Variants in KLF13 observed in about 807,000 individuals in gnomAD.
The protein encoded by KLF13 is Krueppel-like factor 13.
A neutral mutation model predicts 16.7 loss-of-function variants in KLF13; 8 were observed. That is an observed-to-expected ratio of 0.48 (90% CI 0.28 to 0.87). The LOEUF is 0.87. Among genes scored for constraint, KLF13 ranks in the 40% least tolerant of loss-of-function variants. The probability of loss-of-function intolerance (pLI) is 0.10; values close to 1 mark genes in which losing one functional copy is unlikely to be tolerated. For synonymous variants in KLF13, 245 were observed against 208.4 expected (o/e 1.18, Z -1.51); for missense variants, 447 against 452.2 (o/e 0.99, Z 0.10).
chr15:31,363,064 A>T (rs1436598775), intron 1 of KLF13, among the ~76,000 whole-genome samples: 1 of 152,190 alleles, frequency 6.6e-6, no homozygotes, highest in African/African-American at 2.4e-5. Context: ...GATGTGGGTA[A>T]AAGGGTGTGC....
chr15:31,370,312 GT>G (rs1470643164), intron 1 of KLF13, among the ~76,000 whole-genome samples: 2 of 151,442 alleles, frequency 1.3e-5, no homozygotes, highest in Non-Finnish European at 2.9e-5. Context: ...TTCCAGAACT[GT>G]TTTTTGGTTC....
chr15:31,416,999 A>G (rs1230707747), intron 1 of KLF13, among the ~76,000 whole-genome samples: 2 of 152,160 alleles, frequency 1.3e-5, no homozygotes. Context: ...TGGCAATGTT[A>G]TGAGTAATTA....
At chr15:31,356,335 C>T (rs2039300020) in intron 1 of KLF13, among the ~76,000 whole-genome samples, 1 of 152,214 alleles carries the variant, frequency 6.6e-6, no homozygotes, top group Non-Finnish European at 1.5e-5. Flanking sequence ...GAATGGATCA[C>T]CTGAGGTCAG....
At chr15:31,388,302 G>A (rs750579087), upstream of KLF13, among the ~76,000 whole-genome samples, 11 of 152,102 alleles carry the variant, frequency 7.2e-5, no homozygotes, top group Non-Finnish European at 1.3e-4. Context: ...AAGTGCCAGT[G>A]AAAATGATTT....
intron 1 of KLF13, chr15:31,366,111 C>G (rs2039466503): frequency 6.6e-6 from 1 of 151,428 alleles, no homozygotes; most frequent in African/African-American, 2.4e-5. Flanking sequence ...CCACCCACCC[C>G]ACTCTCCCCG....
intron 1 of KLF13, among the ~76,000 whole-genome samples, chr15:31,358,218 A>C (rs558228015): frequency 3.3e-4 from 51 of 152,366 alleles, no homozygotes; most frequent in Admixed American, 2.0e-3. Flanking sequence ...AACTGAAGGC[A>C]GCTCACAAGA....
intron 1 of KLF13, among the ~76,000 whole-genome samples, chr15:31,412,002 T>C (rs1187856993): frequency 6.6e-6 from 1 of 152,214 alleles, no homozygotes; most frequent in Non-Finnish European, 1.5e-5. Context: ...CTAGCTGCTA[T>C]GGTCTAAATG....
Position 31,372,002 on chromosome 15 carries a change from G to T in KLF13, c.578-8G>T. On this transcript the variant is annotated splice_polypyrimidine_tract_variant and splice_region_variant and intron_variant, in intron 1 of 1. Transcript: ENST00000307145. ...GCGGATACTGATGCTCTGCCCCTGT[G>T]CCCACAGGTGAGAGGCCCTTCGCCT... 1 of 1,596,366 alleles carries T rather than the reference G, an allele frequency of 6.3e-7. No homozygotes were observed. Among genetic ancestry groups the T allele is most frequent in the Non-Finnish European group, 8.5e-7 (1 of 1,171,970 alleles).
downstream of KLF13, among the ~76,000 whole-genome samples, chr15:31,405,376 T>TGAG (rs1412212136): frequency 6.6e-6 from 1 of 152,154 alleles, no homozygotes; most frequent in Non-Finnish European, 1.5e-5. Context: ...TTCTGCCAGG[T>TGAG]GAGGCCACAG....
intron 1 of KLF13, among the ~76,000 whole-genome samples, chr15:31,385,776 T>C (rs963653662): frequency 6.6e-6 from 1 of 152,184 alleles, no homozygotes; most frequent in Non-Finnish European, 1.5e-5. Context: ...GGCCAATTAA[T>C]AACCTTACAA....
rs1020979280 is a variant in KLF13 at position 31,377,431 on chromosome 15, T to C, written c.*5132T>C. 1 of 152,678 alleles carries C rather than the reference T, an allele frequency of 6.5e-6. No individual in the cohort carries two copies. Among genetic ancestry groups the C allele is most frequent in the Non-Finnish European group, 1.5e-5 (1 of 68,082 alleles). 9.5% of individuals were successfully genotyped at this position (152,678 alleles called of 1,614,324 possible). A position where few individuals can be genotyped will look rare whatever the true frequency, so the allele number is the denominator to read the frequency against. On this transcript the variant is annotated 3_prime_UTR_variant, in exon 2 of 2. Transcript: ENST00000307145. ...TTTGGGGCTTTCGGTGGTTCCTTGG[T>C]GACTGGGAATTGCTTGTGTGCATGT...
intron 1 of KLF13, among the ~76,000 whole-genome samples, chr15:31,338,839 C>G (rs560114500): frequency 2.0e-5 from 3 of 152,196 alleles, no homozygotes; most frequent in South Asian, 2.1e-4. Flanking sequence ...CCTCTACTCC[C>G]CCTTGTACTG....
At chr15:31,369,407 A>T (rs759346765) in intron 1 of KLF13, among the ~76,000 whole-genome samples, 7 of 152,284 alleles carry the variant, frequency 4.6e-5, no homozygotes, top group Non-Finnish European at 1.0e-4. Context: ...ATAATAGAGC[A>T]TAGGAAAAAC....
intron 1 of KLF13, among the ~76,000 whole-genome samples, chr15:31,434,125 A>G (rs10083682): frequency 0.59 from 90,128 of 152,136 alleles, 27,191 homozygotes; most frequent in South Asian, 0.71. Context: ...GCTGGTGCCA[A>G]GACTGTGTGC....
chr15:31,361,019 T>C (rs566380994), intron 1 of KLF13, among the ~76,000 whole-genome samples: 2 of 152,304 alleles, frequency 1.3e-5, no homozygotes, highest in African/African-American at 4.8e-5. Flanking sequence ...TCCAGGGAAC[T>C]GCCTGGCTCC....
intron 1 of KLF13, among the ~76,000 whole-genome samples, chr15:31,337,497 T>C (rs916849709): frequency 2.0e-5 from 3 of 152,180 alleles, no homozygotes; most frequent in Admixed American, 6.5e-5. Flanking sequence ...GGTTGCTTAA[T>C]GACGGGTGCG....
rs1451262327 is a variant in KLF13, at chr15:31,400,889, GA to G, written n.530-2538del. Among the ~76,000 whole-genome samples the G allele has an allele frequency of 2.0e-5, 3 of 152,136 alleles. No individual in the cohort carries two copies. In the East Asian group the frequency reaches 5.8e-4, roughly 29 times the overall value. On this transcript the variant is annotated intron_variant and non_coding_transcript_variant, in intron 2 of 2. Transcript: ENST00000500533. Reference sequence around the variant, plus strand: ...GTGGGAGAGAGGGGCAAGATAAGCTGACCCCGAGATTTGGGTTTGAGCACCT... The same window carrying G: ...GTGGGAGAGAGGGGCAAGATAAGCTGCCCCGAGATTTGGGTTTGAGCACCT...
chr15:31,379,861 G>A (rs2039702973), downstream of KLF13, among the ~76,000 whole-genome samples: 1 of 152,170 alleles, frequency 6.6e-6, no homozygotes, highest in Admixed American at 6.5e-5. Context: ...TGGATTAGAA[G>A]TCAGGTTTGT....
At position 31,372,406 on chromosome 15, in the gene KLF13, A is replaced by G. The variant is rs1299360134; in HGVS notation, c.*107A>G. 1.7e-5 allele frequency: 21 copies of G among 1,253,236 alleles called. No individual in the cohort carries two copies. The highest frequency in any genetic ancestry group is 2.2e-5 in the South Asian group (1 of 44,798). 77.6% of individuals were successfully genotyped at this position (1,253,236 alleles called of 1,614,324 possible). A position where few individuals can be genotyped will look rare whatever the true frequency, so the allele number is the denominator to read the frequency against. On this transcript the variant is annotated 3_prime_UTR_variant, in exon 2 of 2. Coordinates refer to ENST00000307145, the MANE Select transcript of KLF13 (RefSeq NM_015995.4). ...AACTTGATGCAAAGTCCACGAAAAA[A>G]CAATTTTTTTCACCTCAGGTGTCAA...
Sources: gnomAD v4.1 joint callset for allele counts (sites outside exome capture counted in the v4.1 genomes callset) on GRCh38, gnomAD v4.1.1 for gene constraint, MANE v1.5 for transcripts, NCBI Gene and HGNC (gene_info 2026-07-23, HGNC 2026-07-21) for gene names.